Variants in SUMF1 observed in about 807,000 individuals in gnomAD.
SUMF1 encodes the protein sulfatase modifying factor 1, also known as formylglycine-generating enzyme.
A neutral mutation model predicts 47.6 loss-of-function variants in SUMF1; 48 were observed. The observed-to-expected ratio is 1.01, with a 90% CI of 0.80 to 1.28. The LOEUF (loss-of-function observed/expected upper bound fraction) is 1.28. Ranked by LOEUF, SUMF1 falls within the 50% of genes most tolerant of loss-of-function variation. The pLI, the probability that SUMF1 is intolerant of heterozygous loss-of-function variation, is 0.00. For synonymous variants in SUMF1, 230 were observed against 192.1 expected, an observed-to-expected ratio of 1.20 and a Z score of -1.63; for missense variants, 571 against 485.4, an observed-to-expected ratio of 1.18 and a Z score of -1.66.
intron 8 of SUMF1, among the ~76,000 whole-genome samples, chr3:4,177,596 T>A (rs1051407423): frequency 6.6e-6 from 1 of 152,016 alleles, no homozygotes; most frequent in Non-Finnish European, 1.5e-5. Context: ...AGGAAAGATC[T>A]AAAATCAACA....
intron 8 of SUMF1, among the ~76,000 whole-genome samples, chr3:4,135,087 A>G (rs1693893493): frequency 6.6e-6 from 1 of 152,134 alleles, no homozygotes; most frequent in Non-Finnish European, 1.5e-5. Context: ...ATTCCAATCA[A>G]TAGAAAAAGA....
intron 9 of SUMF1, among the ~76,000 whole-genome samples, chr3:4,036,383 G>C (rs999390600): frequency 2.0e-5 from 3 of 152,128 alleles, no homozygotes; most frequent in African/African-American, 7.2e-5. Context: ...CAGATGTTCA[G>C]GGAGAGACCA....
At chr3:4,393,004 T>C (rs1700924564) in intron 7 of SUMF1, among the ~76,000 whole-genome samples, 1 of 152,162 alleles carries the variant, frequency 6.6e-6, no homozygotes, top group Non-Finnish European at 1.5e-5. Context: ...ATCTCAAGTC[T>C]CCCTGGCTTT....
At chr3:4,034,914 G>C (rs1049179638) in intron 9 of SUMF1, among the ~76,000 whole-genome samples, 24 of 151,730 alleles carry the variant, frequency 1.6e-4, no homozygotes, top group Non-Finnish European at 3.1e-4. Flanking sequence ...GCAGATTACG[G>C]TGTAAGATTG....
At chr3:4,271,023 T>G (rs1484778383) in intron 8 of SUMF1, among the ~76,000 whole-genome samples, 1 of 152,172 alleles carries the variant, frequency 6.6e-6, no homozygotes, top group African/African-American at 2.4e-5. Context: ...CAAACGTTTG[T>G]TAATGGTAGT....
chr3:4,448,279 C>G (rs1041195030), intron 3 of SUMF1, among the ~76,000 whole-genome samples: 2 of 152,148 alleles, frequency 1.3e-5, no homozygotes, highest in African/African-American at 4.8e-5. Context: ...TAAGCCAGGA[C>G]AGTTTCGTTT....
intron 8 of SUMF1, among the ~76,000 whole-genome samples, chr3:4,167,678 T>C (rs1268213173): frequency 6.6e-6 from 1 of 152,174 alleles, no homozygotes; most frequent in African/African-American, 2.4e-5. Context: ...CGGCTGGCTC[T>C]TCACCTATCA....
At chr3:4,441,813 T>C (rs1014078743) in intron 3 of SUMF1, among the ~76,000 whole-genome samples, 7 of 152,156 alleles carry the variant, frequency 4.6e-5, no homozygotes, top group African/African-American at 1.7e-4. Context: ...CAAAACTACA[T>C]AAAAAGAAAA....
chr3:4,392,325 G>C (rs1700894552), intron 7 of SUMF1, among the ~76,000 whole-genome samples: 2 of 151,728 alleles, frequency 1.3e-5, no homozygotes. Flanking sequence ...GTATTTTATA[G>C]CAACTATTCA....
chr3:4,264,772 C>A (rs1396957689), intron 8 of SUMF1, among the ~76,000 whole-genome samples: 1 of 152,086 alleles, frequency 6.6e-6, no homozygotes, highest in African/African-American at 2.4e-5. Flanking sequence ...ATTTAACTAC[C>A]TAATATCAGA....
intron 8 of SUMF1, among the ~76,000 whole-genome samples, chr3:4,350,064 G>A (rs1191651610): frequency 2.0e-5 from 3 of 150,366 alleles, no homozygotes; most frequent in Non-Finnish European, 4.4e-5. Context: ...GCAGTGGCAC[G>A]ATCTTGGGTC....
intron 8 of SUMF1, among the ~76,000 whole-genome samples, chr3:4,308,199 A>G (rs1400851788): frequency 1.3e-5 from 2 of 152,230 alleles, no homozygotes; most frequent in Non-Finnish European, 2.9e-5. Context: ...GGAAAGGTAT[A>G]CAGTCCGATG....
chr3:4,217,566 TG>T (rs1695962368), intron 8 of SUMF1, among the ~76,000 whole-genome samples: 1 of 78,560 alleles, frequency 1.3e-5, no homozygotes, highest in Non-Finnish European at 2.7e-5. Context: ...AGACTAACTG[TG>T]ACACCTTCAG....
chr3:4,374,038 C>A (rs557612793), intron 8 of SUMF1, among the ~76,000 whole-genome samples: 6 of 152,118 alleles, frequency 3.9e-5, no homozygotes, highest in Non-Finnish European at 1.5e-5. Context: ...CTTTCTCAAG[C>A]TGTAAAGGGC....
intron 8 of SUMF1, among the ~76,000 whole-genome samples, chr3:4,215,935 G>C (rs1355658086): frequency 6.6e-6 from 1 of 152,142 alleles, no homozygotes; most frequent in Non-Finnish European, 1.5e-5. Flanking sequence ...TGGATAGGAA[G>C]AATCAATACT....
intron 8 of SUMF1, among the ~76,000 whole-genome samples, chr3:4,209,352 C>CT: frequency 6.6e-6 from 1 of 152,222 alleles, no homozygotes; most frequent in South Asian, 2.1e-4. Flanking sequence ...CTAACTGAAA[C>CT]TTTATTCAAA....
chr3:4,133,082 T>C (rs1307859411), intron 8 of SUMF1, among the ~76,000 whole-genome samples: 2 of 152,164 alleles, frequency 1.3e-5, no homozygotes, highest in South Asian at 2.1e-4. Flanking sequence ...TATGACCACA[T>C]GACCAGCTGC....
At chr3:4,112,283 C>G (rs1693325753) in intron 8 of SUMF1, among the ~76,000 whole-genome samples, 1 of 152,084 alleles carries the variant, frequency 6.6e-6, no homozygotes, top group African/African-American at 2.4e-5. Context: ...TTTCTAAGCC[C>G]AAGAGCATGT....
intron 8 of SUMF1, among the ~76,000 whole-genome samples, chr3:4,241,291 T>C (rs1696532067): frequency 6.6e-6 from 1 of 152,148 alleles, no homozygotes; most frequent in Admixed American, 6.6e-5. Flanking sequence ...GCTTCTCATG[T>C]ATCTTCAGTT....
Sources: allele counts gnomAD v4.1 joint callset (sites outside exome capture counted in the v4.1 genomes callset), GRCh38; gene constraint gnomAD v4.1.1; transcripts MANE v1.5; gene names NCBI Gene and HGNC (gene_info 2026-07-23, HGNC 2026-07-21).